MECOM: variants seen among roughly 807,000 people sequenced by gnomAD.
MECOM encodes MDS1 and EVI1 complex locus.
In MECOM, 13 loss-of-function variants were observed where a neutral mutation model predicts 116.3. That is an observed-to-expected ratio of 0.11 (90% CI 0.07 to 0.18). The LOEUF (loss-of-function observed/expected upper bound fraction) is 0.18, where lower values mean the gene tolerates loss of function less well. MECOM is among the 10% of genes least tolerant of loss of function. The probability of loss-of-function intolerance (pLI) is 1.00; values close to 1 mark genes in which losing one functional copy is unlikely to be tolerated. For missense variants in MECOM, 1,299 were observed against 1,509.0 expected (o/e 0.86, Z 2.31); for synonymous variants, 528 against 535.2 (o/e 0.99, Z 0.19).
At chr3:169,179,902 C>T (rs1021738532) in intron 2 of MECOM, among the ~76,000 whole-genome samples, 8 of 152,166 alleles carry the variant, frequency 5.3e-5, no homozygotes, top group Non-Finnish European at 1.0e-4. Flanking sequence ...GTCCCCTCCC[C>T]CAGGACTCCC....
In MECOM at chr3:169,209,596, G is replaced by C. The variant is rs564323781; in HGVS notation, c.376-65764C>G. 3.9e-5 allele frequency among the ~76,000 whole-genome samples: 6 copies of C among 152,036 alleles called. No homozygotes were observed. The South Asian group carries it at 1.2e-3, about 32-fold the overall frequency. On this transcript the variant is annotated intron_variant, in intron 2 of 16. Coordinates refer to ENST00000651503, the MANE Select transcript of MECOM (RefSeq NM_004991.4). ...GACATTTATGTGGCTAACAAACATAGGAAAAAAAGCTCAATATCACTGATC... is the reference window on the plus strand; with the variant it reads ...GACATTTATGTGGCTAACAAACATACGAAAAAAAGCTCAATATCACTGATC...
At chr3:169,259,228 A>G (rs1376660752) in intron 2 of MECOM, among the ~76,000 whole-genome samples, 1 of 152,210 alleles carries the variant, frequency 6.6e-6, no homozygotes, top group Non-Finnish European at 1.5e-5. Context: ...TTCTCTTGGA[A>G]AAACAATTTG....
intron 2 of MECOM, among the ~76,000 whole-genome samples, chr3:169,351,041 C>A (rs890060820): frequency 6.6e-6 from 1 of 151,872 alleles, no homozygotes; most frequent in Non-Finnish European, 1.5e-5. Context: ...TCATAATTTT[C>A]TCATCTAACT....
chr3:169,565,040 A>G (rs1299842820), intron 1 of MECOM, among the ~76,000 whole-genome samples: 2 of 152,176 alleles, frequency 1.3e-5, no homozygotes, highest in Admixed American at 6.5e-5. Flanking sequence ...TTCATCTCAT[A>G]CAATCCTTAC....
chr3:169,440,659 A>G (rs907644585), intron 1 of MECOM, among the ~76,000 whole-genome samples: 4 of 152,162 alleles, frequency 2.6e-5, no homozygotes, highest in African/African-American at 9.7e-5. Context: ...CAATTGTCAT[A>G]CTTGTAATGA....
intron 13 of MECOM, among the ~76,000 whole-genome samples, chr3:169,093,831 T>A (rs1349227582): frequency 3.3e-5 from 5 of 152,200 alleles, no homozygotes; most frequent in African/African-American, 4.8e-5. Context: ...CTGTTGTTTA[T>A]CTTGCCTACA....
intron 2 of MECOM, among the ~76,000 whole-genome samples, chr3:169,177,816 G>A (rs1245270102): frequency 6.6e-6 from 1 of 151,806 alleles, no homozygotes; most frequent in Non-Finnish European, 1.5e-5. Flanking sequence ...TACTTGGGGA[G>A]CTGAGGCAGG....
intron 1 of MECOM, among the ~76,000 whole-genome samples, chr3:169,506,623 G>T (rs1367559479): frequency 3.3e-5 from 5 of 151,992 alleles, no homozygotes; most frequent in Non-Finnish European, 7.4e-5. Flanking sequence ...GTTTTGTTTT[G>T]TTTTTTTCTT....
intron 1 of MECOM, among the ~76,000 whole-genome samples, chr3:169,542,054 C>T (rs904826127): frequency 1.3e-5 from 2 of 152,126 alleles, no homozygotes; most frequent in African/African-American, 2.4e-5. Context: ...CTAAGCAGTG[C>T]TATAGATGGC....
chr3:169,246,462 C>A (rs887025810), intron 2 of MECOM, among the ~76,000 whole-genome samples: 1 of 151,760 alleles, frequency 6.6e-6, no homozygotes, highest in Non-Finnish European at 1.5e-5. Context: ...TAAGTTAAAT[C>A]TTATCATATC....
intron 1 of MECOM, among the ~76,000 whole-genome samples, chr3:169,532,986 T>C (rs1758849001): frequency 6.6e-6 from 1 of 152,204 alleles, no homozygotes; most frequent in Non-Finnish European, 1.5e-5. Context: ...CTTTTGTTTC[T>C]AGATATGAAG....
chr3:169,097,864 T>TTGTG (rs1455885050), intron 12 of MECOM, among the ~76,000 whole-genome samples: 2 of 141,264 alleles, frequency 1.4e-5, no homozygotes, highest in Non-Finnish European at 3.1e-5. Context: ...GTCAAGGAGC[T>TTGTG]TGTGGTCTAC....
chr3:169,353,957 T>C (rs933152249), intron 2 of MECOM, among the ~76,000 whole-genome samples: 1 of 151,886 alleles, frequency 6.6e-6, no homozygotes, highest in African/African-American at 2.4e-5. Flanking sequence ...GTTTCTTAAG[T>C]AAATCAAAGA....
rs534584543 is a variant in MECOM at position 169,623,609 on chromosome 3, A to G, written c.37+39727T>C. 3.3e-5 allele frequency among the ~76,000 whole-genome samples: 5 copies of G among 152,316 alleles called. No homozygotes were observed. In the East Asian group the frequency reaches 9.6e-4, roughly 29 times the overall value. On this transcript the variant is annotated intron_variant, in intron 1 of 16. Coordinates refer to ENST00000651503, the MANE Select transcript of MECOM (RefSeq NM_004991.4). ...CTGAAATATTTGTTGAACTATTTTT[A>G]TCTGGAGGATTGTGGTTTACATTTT...
At chr3:169,167,744 G>T (rs374846650) in intron 2 of MECOM, among the ~76,000 whole-genome samples, 1 of 151,996 alleles carries the variant, frequency 6.6e-6, no homozygotes, top group East Asian at 1.9e-4. Context: ...GATTGTGTAT[G>T]TTTGACATAT....
chr3:169,652,684 A>T (rs1335150131), intron 1 of MECOM, among the ~76,000 whole-genome samples: 5 of 152,208 alleles, frequency 3.3e-5, no homozygotes, highest in Non-Finnish European at 5.9e-5. Context: ...AGTTGGGTTA[A>T]TTTAATCAGT....
chr3:169,365,769 GC>G lies in MECOM; in HGVS notation c.375+15417del, dbSNP rs531266362. Among the ~76,000 whole-genome samples the G allele has an allele frequency of 1.9e-3, 282 of 151,982 alleles. 2 individuals carry two copies. The highest frequency in any genetic ancestry group is 6.4e-3 in the African/African-American group (267 of 41,486). On this transcript the variant is annotated intron_variant, in intron 2 of 16. Coordinates refer to ENST00000651503, the MANE Select transcript of MECOM (RefSeq NM_004991.4). ...AGTATGTGGTCTCCCTGCCCTCTAA[GC>G]CCCCACCTGTGCAAGTAAATGTGTA...
chr3:169,578,938 A>C lies in MECOM; in HGVS notation c.37+84398T>G, dbSNP rs1576970693. 2.0e-5 allele frequency among the ~76,000 whole-genome samples: 3 copies of C among 152,202 alleles called. No homozygotes were observed. In the South Asian group the frequency reaches 6.2e-4, roughly 31 times the overall value. Reference sequence around the variant, plus strand: ...CCAAGCTATTTGCCTCCTAATAAACACAGACTGAAGGGGAAGTGTTGAAAG... The same window carrying C: ...CCAAGCTATTTGCCTCCTAATAAACCCAGACTGAAGGGGAAGTGTTGAAAG... On this transcript the variant is annotated intron_variant, in intron 1 of 16. Coordinates refer to ENST00000651503, the MANE Select transcript of MECOM (RefSeq NM_004991.4).
intron 2 of MECOM, among the ~76,000 whole-genome samples, chr3:169,290,253 A>T (rs1560093959): frequency 6.6e-6 from 1 of 152,206 alleles, no homozygotes; most frequent in Non-Finnish European, 1.5e-5. Context: ...TTTGGGAAAA[A>T]CACAGTAACT....
Sources: gnomAD v4.1 joint callset for allele counts (sites outside exome capture counted in the v4.1 genomes callset) on GRCh38, gnomAD v4.1.1 for gene constraint, MANE v1.5 for transcripts, NCBI Gene and HGNC (gene_info 2026-07-23, HGNC 2026-07-21) for gene names.